The following CHL1 variants were observed in gnomAD, a reference collection of about 807,000 sequenced individuals.
The protein encoded by CHL1 is neural cell adhesion molecule L1-like protein.
In CHL1, 96 loss-of-function variants were observed where a neutral mutation model predicts 141.9. The ratio of observed to expected loss-of-function variants is 0.68; its 90% confidence interval spans 0.57 to 0.80. CHL1 has a LOEUF of 0.80. Among genes scored for constraint, CHL1 ranks in the 30% least tolerant of loss-of-function variants. The pLI is 0.00. For synonymous variants in CHL1, 613 were observed against 502.2 expected (o/e 1.22, Z -2.95); for missense variants, 1,820 against 1,457.2 (o/e 1.25, Z -4.05).
chr3:378,977 C>T (rs1039719204), intron 16 of CHL1, among the ~76,000 whole-genome samples: 4 of 152,186 alleles, frequency 2.6e-5, no homozygotes, highest in Admixed American at 2.0e-4. Flanking sequence ...TGTTCTGTTT[C>T]GGTGGCCACC....
At chr3:256,735 A>T (rs541800981) in intron 2 of CHL1, among the ~76,000 whole-genome samples, 1 of 152,284 alleles carries the variant, frequency 6.6e-6, no homozygotes, top group East Asian at 1.9e-4. Flanking sequence ...TTTGGGAACG[A>T]GGGGAGGATT....
chr3:278,087 C>T lies in CHL1; in HGVS notation c.-95+33395C>T, dbSNP rs184833843. Among the ~76,000 whole-genome samples the T allele has an allele frequency of 1.2e-4, 18 of 152,276 alleles. No individual in the cohort carries two copies. In the East Asian group the frequency reaches 3.5e-3, roughly 29 times the overall value. On this transcript the variant is annotated intron_variant, in intron 2 of 27. Transcript: ENST00000256509. ...CTCAACTCATGACTGAAACTTTGTT[C>T]CAGTTCAAGAAGGAAATAAAGAGCC...
At chr3:229,272 G>A (rs185706885) in intron 1 of CHL1, among the ~76,000 whole-genome samples, 20 of 151,936 alleles carry the variant, frequency 1.3e-4, no homozygotes, top group Admixed American at 9.8e-4. Flanking sequence ...TATGTCCTTC[G>A]GTAACTTCAT....
At chr3:331,960 T>C (rs1469248928) in intron 5 of CHL1, among the ~76,000 whole-genome samples, 1 of 152,198 alleles carries the variant, frequency 6.6e-6, no homozygotes, top group African/African-American at 2.4e-5. Flanking sequence ...TCCAACAGAA[T>C]ACGTATCCAC....
At chr3:234,879 C>T (rs925304359) in intron 1 of CHL1, among the ~76,000 whole-genome samples, 4 of 152,124 alleles carry the variant, frequency 2.6e-5, no homozygotes, top group Admixed American at 2.0e-4. Context: ...GACAGAAATG[C>T]TTCATAATAG....
intron 2 of CHL1, among the ~76,000 whole-genome samples, chr3:304,629 C>A (rs191762316): frequency 1.3e-5 from 2 of 152,048 alleles, no homozygotes; most frequent in South Asian, 4.1e-4. Context: ...ATTCTTCTCT[C>A]TTTTCTTCTT....
At chr3:249,387 GA>G (rs943256157) in intron 2 of CHL1, among the ~76,000 whole-genome samples, 31 of 151,910 alleles carry the variant, frequency 2.0e-4, no homozygotes, top group Admixed American at 1.1e-3. Flanking sequence ...CTAAAGGAGG[GA>G]AAAAAATCAG....
chr3:241,251 T>A (rs566607334), intron 1 of CHL1, among the ~76,000 whole-genome samples: 2 of 152,328 alleles, frequency 1.3e-5, no homozygotes, highest in East Asian at 3.9e-4. Context: ...AGTCATGTCA[T>A]AAAATGACAT....
At chr3:256,424 A>T (rs1302992314) in intron 2 of CHL1, among the ~76,000 whole-genome samples, 1 of 152,246 alleles carries the variant, frequency 6.6e-6, no homozygotes, top group African/African-American at 2.4e-5. Context: ...TGTACAACTC[A>T]GTACCTTTGG....
intron 9 of CHL1, among the ~76,000 whole-genome samples, chr3:347,189 T>C (rs1180503037): frequency 6.6e-6 from 1 of 152,100 alleles, no homozygotes; most frequent in Non-Finnish European, 1.5e-5. Flanking sequence ...TGTAAATTCG[T>C]GGGTTTAAAG....
intron 1 of CHL1, among the ~76,000 whole-genome samples, chr3:198,432 C>A (rs907792457): frequency 2.0e-5 from 3 of 152,174 alleles, no homozygotes; most frequent in Admixed American, 6.5e-5. Flanking sequence ...CCCCCGGGCT[C>A]GCTCTAGGCG....
chr3:307,102 G>C (rs1247812189), intron 2 of CHL1, among the ~76,000 whole-genome samples: 2 of 152,110 alleles, frequency 1.3e-5, no homozygotes, highest in Admixed American at 1.3e-4. Flanking sequence ...TTTGCATCCT[G>C]ACCTAATTTT....
At position 342,113 on chromosome 3, in the gene CHL1, G is replaced by C. The variant is rs374754385; in HGVS notation, c.679+31G>C. On this transcript the variant is annotated intron_variant, in intron 7 of 27. Transcript: ENST00000256509. ...TCCACATAATTTATCGTTTCATCATGTATGCTGAATGCAAATGTGTCTGTA... is the reference window on the plus strand; with the variant it reads ...TCCACATAATTTATCGTTTCATCATCTATGCTGAATGCAAATGTGTCTGTA... 3 of 1,556,252 alleles carry C rather than the reference G, an allele frequency of 1.9e-6. No individual in the cohort carries two copies. In the African/African-American group the frequency reaches 4.1e-5, roughly 21 times the overall value.
In CHL1 at chr3:394,623, T is replaced by G. The variant is rs550285124; in HGVS notation, c.2915-70T>G. The G allele has an allele frequency of 6.9e-5, 77 of 1,114,134 alleles. No homozygotes were observed. The African/African-American group carries it at 1.0e-3, about 15-fold the overall frequency. 69.0% of individuals were successfully genotyped at this position (1,114,134 alleles called of 1,614,324 possible). On this transcript the variant is annotated intron_variant, in intron 23 of 27. Transcript: ENST00000256509. ...TACGTACCACAAGCATAAGGAGAAA[T>G]GAAAATAATGAAGAATGCAACTTGA...
At chr3:261,653 A>G (rs1694737895) in intron 2 of CHL1, among the ~76,000 whole-genome samples, 1 of 152,138 alleles carries the variant, frequency 6.6e-6, no homozygotes, top group Non-Finnish European at 1.5e-5. Context: ...TTGATTATTA[A>G]TGTAACTGTC....
At chr3:335,789 C>A (rs548432906) in intron 5 of CHL1, among the ~76,000 whole-genome samples, 1 of 152,290 alleles carries the variant, frequency 6.6e-6, no homozygotes, top group Admixed American at 6.5e-5. Flanking sequence ...CAAATAATTG[C>A]ACAAAGTCAC....
intron 1 of CHL1, among the ~76,000 whole-genome samples, chr3:202,870 G>A (rs1699082078): frequency 6.6e-6 from 1 of 152,178 alleles, no homozygotes; most frequent in Non-Finnish European, 1.5e-5. Context: ...GAAGATGGTA[G>A]GAAAGAAGTA....
intron 15 of CHL1, among the ~76,000 whole-genome samples, chr3:368,190 T>C (rs1705154234): frequency 6.6e-6 from 1 of 152,234 alleles, no homozygotes; most frequent in Non-Finnish European, 1.5e-5. Flanking sequence ...TCCACAACGG[T>C]TGAACTAATT....
At chr3:397,359 T>C (rs761431582) in intron 24 of CHL1, among the ~76,000 whole-genome samples, 12 of 152,090 alleles carry the variant, frequency 7.9e-5, no homozygotes, top group Non-Finnish European at 1.8e-4. Context: ...TTTTATTTTA[T>C]AGTGAAAATA....
Sources: gnomAD v4.1 joint callset for allele counts (sites outside exome capture counted in the v4.1 genomes callset) on GRCh38, gnomAD v4.1.1 for gene constraint, MANE v1.5 for transcripts, NCBI Gene and HGNC (gene_info 2026-07-23, HGNC 2026-07-21) for gene names.